The following RPS6KA3 variants were observed in gnomAD, a reference collection of about 807,000 sequenced individuals.
The protein encoded by RPS6KA3 is ribosomal protein S6 kinase alpha-3.
A neutral mutation model predicts 67.2 loss-of-function variants in RPS6KA3; 4 were observed. The observed-to-expected ratio is 0.06, with a 90% CI of 0.03 to 0.14. The LOEUF (loss-of-function observed/expected upper bound fraction) is 0.14. Among genes scored for constraint, RPS6KA3 ranks in the 10% least tolerant of loss-of-function variants. The pLI is 1.00. For missense variants in RPS6KA3, 204 were observed against 559.0 expected, an observed-to-expected ratio of 0.36 and a Z score of 6.40; for synonymous variants, 182 against 183.7, an observed-to-expected ratio of 0.99 and a Z score of 0.07.
At chrX:20,257,796 G>A (rs1053845381) in intron 1 of RPS6KA3, among the ~76,000 whole-genome samples, 3 of 111,022 alleles carry the variant, frequency 2.7e-5, no homozygotes, top group Non-Finnish European at 5.7e-5. Flanking sequence ...CTGTAAGCTC[G>A]GTGCACAAGA....
At chrX:20,158,005 T>C (rs2067226175) in intron 20 of RPS6KA3, among the ~76,000 whole-genome samples, 1 of 110,501 alleles carries the variant, frequency 9.0e-6, no homozygotes, top group Non-Finnish European at 1.9e-5. Flanking sequence ...TAGGGAGTGA[T>C]GCGGTTAAGT....
rs759706867 is a variant in RPS6KA3 at position 20,164,775 on chromosome X, G to A, written c.1764+124C>T. ...CATTAAACAGGGAAATGAAAGGCTG[G>A]CATTTTATCCTAATTATTTCTTCAG... On this transcript the variant is annotated intron_variant, in intron 18 of 21. Coordinates refer to ENST00000379565, the MANE Select transcript of RPS6KA3 (RefSeq NM_004586.3). 8.9e-6 allele frequency: 5 copies of A among 563,075 alleles called. No homozygotes were observed. In the South Asian group the frequency reaches 1.3e-4, roughly 15 times the overall value. 46.4% of individuals were successfully genotyped at this position (563,075 alleles called of 1,213,427 possible). A position where few individuals can be genotyped will look rare whatever the true frequency, so the allele number is the denominator to read the frequency against.
intron 2 of RPS6KA3, among the ~76,000 whole-genome samples, chrX:20,233,104 C>T (rs1243236986): frequency 9.0e-6 from 1 of 111,145 alleles, no homozygotes; most frequent in Non-Finnish European, 1.9e-5. Context: ...CCACTGCACT[C>T]CAGCCTGAGC....
At chrX:20,221,410 T>C (rs981045362) in intron 2 of RPS6KA3, among the ~76,000 whole-genome samples, 3 of 112,008 alleles carry the variant, frequency 2.7e-5, no homozygotes, top group African/African-American at 9.7e-5. Context: ...TGGATGCCCA[T>C]TGTAGAAAAC....
intron 3 of RPS6KA3, among the ~76,000 whole-genome samples, chrX:20,207,145 T>C (rs2068591938): frequency 8.9e-6 from 1 of 111,934 alleles, no homozygotes; most frequent in African/African-American, 3.2e-5. Flanking sequence ...AGGAGACTCC[T>C]TCAATAGACC....
intron 14 of RPS6KA3, among the ~76,000 whole-genome samples, chrX:20,174,129 A>G (rs1420662700): frequency 2.7e-5 from 3 of 110,875 alleles, no homozygotes; most frequent in Non-Finnish European, 5.7e-5. Context: ...CACAGCCCAT[A>G]TAGCCCACAA....
At chrX:20,267,060 G>T, upstream of RPS6KA3, 1 of 754,347 alleles carries the variant, frequency 1.3e-6, no homozygotes, top group Non-Finnish European at 1.6e-6. Context: ...AGCGAGGCTC[G>T]GCCGCCGCCA....
rs911793920 is a variant in RPS6KA3, at chrX:20,154,403, A to C, written c.*995T>G. 4 of 112,507 alleles carry C rather than the reference A, an allele frequency of 3.6e-5. No individual in the cohort carries two copies. Among genetic ancestry groups the C allele is most frequent in the Non-Finnish European group, 7.5e-5 (4 of 53,321 alleles). The allele number at this position is 112,507 out of a possible 1,213,427, so 9.3% of individuals were successfully genotyped here. A position where few individuals can be genotyped will look rare whatever the true frequency, so the allele number is the denominator to read the frequency against. ...TGAAATATCCAATAGGACTTCAATTACCTGTTGCTAAATTTTCCTTCACCC... is the reference window on the plus strand; with the variant it reads ...TGAAATATCCAATAGGACTTCAATTCCCTGTTGCTAAATTTTCCTTCACCC... On this transcript the variant is annotated 3_prime_UTR_variant, in exon 22 of 22. Coordinates refer to ENST00000379565, the MANE Select transcript of RPS6KA3 (RefSeq NM_004586.3).
intron 1 of RPS6KA3, among the ~76,000 whole-genome samples, chrX:20,255,607 C>T (rs1490691743): frequency 6.5e-5 from 7 of 108,167 alleles, no homozygotes; most frequent in Non-Finnish European, 1.3e-4. Flanking sequence ...GCCAACATGG[C>T]AAAACCCTGT....
chrX:20,243,785 C>T (rs1465258564), intron 1 of RPS6KA3, among the ~76,000 whole-genome samples: 2 of 110,790 alleles, frequency 1.8e-5, no homozygotes, highest in Admixed American at 9.6e-5. Flanking sequence ...TGAGCCACCA[C>T]GGCTGGCCCT....
At chrX:20,251,356 G>A (rs780043429) in intron 1 of RPS6KA3, among the ~76,000 whole-genome samples, 12 of 112,619 alleles carry the variant, frequency 1.1e-4, no homozygotes, top group Non-Finnish European at 1.5e-4. Context: ...TGCCCAAGCC[G>A]ATCTCGAACT....
rs752112121 is a variant in RPS6KA3 at position 20,169,119 on chromosome X, C to T, written c.1443+283G>A. Reference sequence around the variant, plus strand: ...CCTCCTGCCTCAGCCTCCCAAAGTACTGGGATTACAGGTGTGAGCCACTGT... The same window carrying T: ...CCTCCTGCCTCAGCCTCCCAAAGTATTGGGATTACAGGTGTGAGCCACTGT... On this transcript the variant is annotated intron_variant, in intron 16 of 21. Coordinates refer to ENST00000379565, the MANE Select transcript of RPS6KA3 (RefSeq NM_004586.3). 1.4e-3 allele frequency among the ~76,000 whole-genome samples: 154 copies of T among 112,188 alleles called. 1 individual carries two copies. The highest frequency in any genetic ancestry group is 4.7e-3 in the African/African-American group (146 of 30,890).
intron 17 of RPS6KA3, among the ~76,000 whole-genome samples, chrX:20,166,998 G>A (rs934398919): frequency 9.0e-5 from 10 of 110,536 alleles, no homozygotes; most frequent in Non-Finnish European, 1.5e-4. Context: ...GATTACAGGC[G>A]TGAGTCACTG....
chrX:20,174,669 A>G (rs749452239), intron 14 of RPS6KA3, among the ~76,000 whole-genome samples: 41 of 110,916 alleles, frequency 3.7e-4, no homozygotes, highest in African/African-American at 1.3e-3. Context: ...TTCAAGTCAC[A>G]TAGGTATCTA....
In RPS6KA3 at chrX:20,193,467, T is replaced by A; in HGVS notation, c.593+20A>T. 1.1e-6 allele frequency: 1 copy of A among 901,688 alleles called. No homozygotes were observed. The highest frequency in any genetic ancestry group is 1.6e-6 in the Non-Finnish European group (1 of 614,448). 74.3% of individuals were successfully genotyped at this position (901,688 alleles called of 1,213,427 possible). A position where few individuals can be genotyped will look rare whatever the true frequency, so the allele number is the denominator to read the frequency against. On this transcript the variant is annotated intron_variant, in intron 7 of 21. Transcript: ENST00000379565. ...ACAATCATATTACATTGTATTCAAC[T>A]TAGTAGCATGATTCCTTACTTTTCT... is the stretch of plus-strand genomic sequence containing the variant.
intron 3 of RPS6KA3, among the ~76,000 whole-genome samples, chrX:20,208,028 AC>A (rs2068613888): frequency 9.0e-6 from 1 of 111,417 alleles, no homozygotes; most frequent in Non-Finnish European, 1.9e-5. Context: ...GTGATCCCCA[AC>A]CTTTTTTAGC....
At chrX:20,182,269 T>C (rs2067862279) in intron 10 of RPS6KA3, among the ~76,000 whole-genome samples, 1 of 112,088 alleles carries the variant, frequency 8.9e-6, no homozygotes, top group Non-Finnish European at 1.9e-5. Flanking sequence ...TAGTTTTGCC[T>C]GCTTTGTAAA....
chrX:20,172,512 A>G (rs2067597902), intron 15 of RPS6KA3, among the ~76,000 whole-genome samples: 1 of 111,391 alleles, frequency 9.0e-6, no homozygotes, highest in African/African-American at 3.3e-5. Context: ...GTAAAAAAAG[A>G]AAAAAAATCA....
At chrX:20,228,075 T>C (rs1173866254) in intron 2 of RPS6KA3, among the ~76,000 whole-genome samples, 1 of 112,315 alleles carries the variant, frequency 8.9e-6, no homozygotes, top group East Asian at 2.8e-4. Context: ...TTTCTTCTTT[T>C]ATGATTTCTT....
Sources: allele counts gnomAD v4.1 joint callset (sites outside exome capture counted in the v4.1 genomes callset), GRCh38; gene constraint gnomAD v4.1.1; transcripts MANE v1.5; gene names NCBI Gene and HGNC (gene_info 2026-07-23, HGNC 2026-07-21).